ZNF865: variants seen among roughly 807,000 people sequenced by gnomAD.
ZNF865 encodes the protein zinc finger protein 865.
For missense variants in ZNF865, 1,311 were observed against 1,593.4 expected (o/e 0.82, Z 3.02); for synonymous variants, 763 against 750.8 (o/e 1.02, Z -0.27).
chr19:55,614,408 G>A lies in ZNF865; in HGVS notation c.790G>A (p.Val264Met). Residue 264 changes from valine to methionine, a missense_variant, in exon 2 of 2, where the codon GTG becomes ATG. Val to Met is a conservative substitution (Grantham distance 21, BLOSUM62 1). Transcript: ENST00000568956. This position sits in a 1 kb window ranked among gnomAD's most constrained non-coding sequence, Gnocchi z 8.0. ...CGTCTGCGGCCGCACCTACAACCAC[G>A]TGTCCAGCCTCATCCGCCACCGCCG... ...CGVCGRTYNHVSSLIRHRRCH... is the reference protein window; with the variant it reads ...CGVCGRTYNHMSSLIRHRRCH... 2.0e-6 allele frequency: 3 copies of A among 1,476,754 alleles called. No homozygotes were observed. Among genetic ancestry groups the A allele is most frequent in the Non-Finnish European group, 2.7e-6 (3 of 1,117,878 alleles). 91.5% of individuals were successfully genotyped at this position (1,476,754 alleles called of 1,614,324 possible).
In ZNF865 at chr19:55,613,918, CTCCTCCTCCTCT is replaced by C; in HGVS notation, c.303_314del (p.Ser114_Ser117del). 2 of 1,523,472 alleles carry C rather than the reference CTCCTCCTCCTCT, an allele frequency of 1.3e-6. No homozygotes were observed. Among genetic ancestry groups the C allele is most frequent in the South Asian group, 2.4e-5 (2 of 83,614 alleles). 94.4% of individuals were successfully genotyped at this position (1,523,472 alleles called of 1,614,324 possible). Reference sequence around the variant, plus strand: ...CCTCCTCGTCCTCGTCCTCGTCCTCCTCCTCCTCCTCTTCGTCCTCCTCGTCGTCATCTTCGT... The same window carrying C: ...CCTCCTCGTCCTCGTCCTCGTCCTCCTCGTCCTCCTCGTCGTCATCTTCGT... On this transcript the variant is annotated inframe_deletion, in exon 2 of 2. Transcript: ENST00000568956.
chr19:55,612,050 G>T (rs1461657555), intron 1 of ZNF865, among the ~76,000 whole-genome samples: 1 of 152,194 alleles, frequency 6.6e-6, no homozygotes, highest in Admixed American at 6.5e-5. Context: ...TAAGGGCAAG[G>T]ATGGAACTCA....
Position 55,616,484 on chromosome 19 carries a change from G to A in ZNF865, c.2866G>A (p.Gly956Ser). Residue 956 changes from glycine to serine, a missense_variant, in exon 2 of 2, where the codon GGC becomes AGC. Coordinates refer to ENST00000568956, the MANE Select transcript of ZNF865 (RefSeq NM_001195605.2). ...GCTGGAGCACCAGCGGCTGCACCTG[G>A]GCGAGCGCGCCTACCGCTGTGAGCA... The part of the protein sequence containing the change: ...NLLEHQRLHL[G>S]ERAYRCEHCG... The A allele has an allele frequency of 6.5e-7, 1 of 1,533,704 alleles. No homozygotes were observed. The highest frequency in any genetic ancestry group is 2.5e-5 in the East Asian group (1 of 40,786).
In ZNF865 at chr19:55,613,612, G is replaced by A; in HGVS notation, c.-7G>A. 6.6e-7 allele frequency: 1 copy of A among 1,507,870 alleles called. No homozygotes were observed. Among genetic ancestry groups the A allele is most frequent in the South Asian group, 1.3e-5 (1 of 79,210 alleles). The allele number at this position is 1,507,870 out of a possible 1,614,324, so 93.4% of individuals were successfully genotyped here. ...TCACAGGGTCTCCCGTCTCCCACCC[G>A]CCGGAGATGGAGGCGAACCCAGCGG... On this transcript the variant is annotated 5_prime_UTR_variant, in exon 2 of 2. Transcript: ENST00000568956.
intron 1 of ZNF865, among the ~76,000 whole-genome samples, chr19:55,612,062 G>A (rs890551943): frequency 6.6e-6 from 1 of 152,188 alleles, no homozygotes; most frequent in African/African-American, 2.4e-5. Context: ...TGGAACTCAA[G>A]CTCCCTGCTT....
In ZNF865 at chr19:55,615,718, C is replaced by A; in HGVS notation, c.2100C>A (p.Asp700Glu). 2 of 1,534,002 alleles carry A rather than the reference C, an allele frequency of 1.3e-6. No homozygotes were observed. Among genetic ancestry groups the A allele is most frequent in the South Asian group, 1.2e-5 (1 of 83,864 alleles). Residue 700 changes from aspartate to glutamate, a missense_variant, in exon 2 of 2, where the codon GAC (aspartate) becomes GAA (glutamate). Transcript: ENST00000568956. ...VHMAEKPYGC[D>E]ACGKTFGFIE... Reference sequence around the variant, plus strand: ...TGGCAGAGAAGCCATACGGCTGCGACGCCTGCGGCAAGACCTTCGGCTTCA... The same window carrying A: ...TGGCAGAGAAGCCATACGGCTGCGAAGCCTGCGGCAAGACCTTCGGCTTCA...
Position 55,613,250 on chromosome 19 carries a change from C to T in ZNF865, c.-26-343C>T, listed in dbSNP as rs533941839. Among the ~76,000 whole-genome samples, 32 of 152,212 alleles carry T rather than the reference C, an allele frequency of 2.1e-4. No individual in the cohort carries two copies. In the South Asian group the frequency reaches 6.2e-3, roughly 30 times the overall value. On this transcript the variant is annotated intron_variant, in intron 1 of 1. Transcript: ENST00000568956. The stretch of plus-strand genomic sequence containing the variant: ...CCCGTTTCTACAAATAATAGAGGGC[C>T]TGCAGGTGGTGTGGAGGAGAGGGTC...
intron 1 of ZNF865, 77 bp downstream of exon 1, chr19:55,605,809 C>A (rs1443393924): frequency 6.6e-6 from 1 of 152,336 alleles, no homozygotes; most frequent in Non-Finnish European, 1.5e-5. Flanking sequence ...GCTGTGGTCC[C>A]CAGAACGTCC....
chr19:55,616,263 G>A lies in ZNF865; in HGVS notation c.2645G>A (p.Gly882Asp). 1 of 1,521,206 alleles carries A rather than the reference G, an allele frequency of 6.6e-7. No individual in the cohort carries two copies. The highest frequency in any genetic ancestry group is 8.8e-7 in the Non-Finnish European group (1 of 1,138,736). The allele number at this position is 1,521,206 out of a possible 1,614,324, so 94.2% of individuals were successfully genotyped here. A position where few individuals can be genotyped will look rare whatever the true frequency, so the allele number is the denominator to read the frequency against. The change falls in exon 2 of 2, where the codon GGC becomes GAC. Residue 882 changes from glycine to aspartate, a missense_variant. Coordinates refer to ENST00000568956, the MANE Select transcript of ZNF865 (RefSeq NM_001195605.2). ...EQRPYRCGVCGRGFLRSWYLR... is the reference protein window; with the variant it reads ...EQRPYRCGVCDRGFLRSWYLR... ...CGGCCGTACCGATGTGGCGTGTGCG[G>A]CCGAGGCTTCCTGCGCTCCTGGTAC...
intron 1 of ZNF865, 146 bp from the exon 2 acceptor site, chr19:55,613,447 T>G: frequency 1.4e-6 from 1 of 695,454 alleles, no homozygotes; most frequent in South Asian, 2.2e-5. Context: ...CCCTTTGGGG[T>G]GGACAGGCAG....
At position 55,616,204 on chromosome 19, in the gene ZNF865, G is replaced by A; in HGVS notation, c.2586G>A (p.Leu862=). Residue 862 remains leucine, a synonymous_variant, in exon 2 of 2, where the codon CTG becomes CTA. Transcript: ENST00000568956. ...GGAAGCGCTTCTGGGAGGCGGCCCTGCTGATGCGCCACCAGCGCTGCCACA... is the reference window on the plus strand; with the variant it reads ...GGAAGCGCTTCTGGGAGGCGGCCCTACTGATGCGCCACCAGCGCTGCCACA... The part of the protein sequence containing the change: ...VCGKRFWEAA[L]LMRHQRCHTE... The A allele has an allele frequency of 6.6e-7, 1 of 1,523,764 alleles. No homozygotes were observed. The highest frequency in any genetic ancestry group is 8.8e-7 in the Non-Finnish European group (1 of 1,140,302). The allele number at this position is 1,523,764 out of a possible 1,614,324, so 94.4% of individuals were successfully genotyped here. A position where few individuals can be genotyped will look rare whatever the true frequency, so the allele number is the denominator to read the frequency against.
chr19:55,610,780 G>T (rs143110286), intron 1 of ZNF865, among the ~76,000 whole-genome samples: 1 of 152,180 alleles, frequency 6.6e-6, no homozygotes, highest in Non-Finnish European at 1.5e-5. Flanking sequence ...TGAGTTGGTG[G>T]CAATAACTAT....
Position 55,613,939 on chromosome 19 carries a change from CTCGTCGTCATCT to C in ZNF865, c.327_338del (p.Ser114_Ser117del). 1 of 1,533,186 alleles carries C rather than the reference CTCGTCGTCATCT, an allele frequency of 6.5e-7. No individual in the cohort carries two copies. Among genetic ancestry groups the C allele is most frequent in the Non-Finnish European group, 8.7e-7 (1 of 1,145,090 alleles). 95.0% of individuals were successfully genotyped at this position (1,533,186 alleles called of 1,614,324 possible). ...CCTCCTCCTCCTCCTCTTCGTCCTCCTCGTCGTCATCTTCGTCCTCTTCCTCTTCCCAAGCCA... is the reference window on the plus strand; with the variant it reads ...CCTCCTCCTCCTCCTCTTCGTCCTCCTCGTCCTCTTCCTCTTCCCAAGCCA... On this transcript the variant is annotated inframe_deletion, in exon 2 of 2. Transcript: ENST00000568956.
chr19:55,612,069 G>A (rs534363014), intron 1 of ZNF865, among the ~76,000 whole-genome samples: 13 of 152,314 alleles, frequency 8.5e-5, no homozygotes, highest in African/African-American at 3.1e-4. Flanking sequence ...CAAGCTCCCT[G>A]CTTCTGTTGC....
At chr19:55,612,431 T>G (rs1023378923) in intron 1 of ZNF865, 6 of 152,228 alleles carry the variant, frequency 3.9e-5, no homozygotes, top group African/African-American at 1.4e-4. Flanking sequence ...TTTTCAGTTC[T>G]CTAGGCTTGT....
At chr19:55,609,864 A>C (rs1981069760) in intron 1 of ZNF865, among the ~76,000 whole-genome samples, 1 of 152,186 alleles carries the variant, frequency 6.6e-6, no homozygotes, top group Non-Finnish European at 1.5e-5. Flanking sequence ...CCCTCTTAAA[A>C]AGATACCAGT....
At position 55,616,137 on chromosome 19, in the gene ZNF865, G is replaced by T; in HGVS notation, c.2519G>T (p.Arg840Leu). The T allele has an allele frequency of 6.7e-7, 1 of 1,498,418 alleles. No homozygotes were observed. The allele number at this position is 1,498,418 out of a possible 1,614,324, so 92.8% of individuals were successfully genotyped here. A position where few individuals can be genotyped will look rare whatever the true frequency, so the allele number is the denominator to read the frequency against. Residue 840 changes from arginine to leucine, a missense_variant, in exon 2 of 2, where the codon CGC becomes CTC. Arg to Leu is a moderately radical substitution (Grantham distance 102). Transcript: ENST00000568956. ...AGAYDLLLHR[R>L]SHRQKRGFRC... ...GCCTACGACTTGCTCCTACACCGCC[G>T]CAGCCATCGGCAGAAGCGGGGTTTC...
chr19:55,615,155 G>A lies in ZNF865; in HGVS notation c.1537G>A (p.Val513Met). The change falls in exon 2 of 2, where the codon GTG becomes ATG. Residue 513 changes from valine to methionine, a missense_variant. Physicochemically the swap from Val to Met is conservative, Grantham distance 21. Transcript: ENST00000568956. The stretch of plus-strand genomic sequence containing the variant: ...GAAGGCGGCGGCGGCCGCGGCGGCG[G>A]TGGTGTACGGCGCTGTGCCCGTCCC... ...SEKAAAAAAA[V>M]VYGAVPVPLL... is the part of the protein sequence containing the mutation. 1 of 1,255,518 alleles carries A rather than the reference G, an allele frequency of 8.0e-7. No homozygotes were observed. The highest frequency in any genetic ancestry group is 3.8e-5 in the East Asian group (1 of 26,552). 77.8% of individuals were successfully genotyped at this position (1,255,518 alleles called of 1,614,324 possible). A position where few individuals can be genotyped will look rare whatever the true frequency, so the allele number is the denominator to read the frequency against.
In ZNF865 at chr19:55,614,265, T is replaced by C. The variant is rs1568526183; in HGVS notation, c.647T>C (p.Leu216Pro). 3 of 1,515,454 alleles carry C rather than the reference T, an allele frequency of 2.0e-6. No individual in the cohort carries two copies. Among genetic ancestry groups the C allele is most frequent in the Non-Finnish European group, 2.6e-6 (3 of 1,137,256 alleles). 93.9% of individuals were successfully genotyped at this position (1,515,454 alleles called of 1,614,324 possible). A position where few individuals can be genotyped will look rare whatever the true frequency, so the allele number is the denominator to read the frequency against. The part of the protein sequence containing the change: ...TKDDKGYFRR[L>P]KYLMERRFPC... ...GACGACAAGGGCTACTTCCGGAGAC[T>C]GAAGTACCTGATGGAGCGGCGCTTC... The change falls in exon 2 of 2, where the codon CTG becomes CCG. Residue 216 changes from leucine (L) to proline (P), a missense_variant. Coordinates refer to ENST00000568956, the MANE Select transcript of ZNF865 (RefSeq NM_001195605.2). The surrounding 1 kb of genome is among the most constrained non-coding windows in gnomAD (Gnocchi z 8.0).
Sources: allele counts gnomAD v4.1 joint callset (sites outside exome capture counted in the v4.1 genomes callset), GRCh38; gene constraint gnomAD v4.1.1; non-coding constraint Gnocchi (gnomAD v3.1); transcripts MANE v1.5; gene names NCBI Gene and HGNC (gene_info 2026-07-23, HGNC 2026-07-21).